Variants in DDX52 observed in about 807,000 individuals in gnomAD.
DDX52 encodes the protein probable ATP-dependent RNA helicase DDX52.
In DDX52, 59 loss-of-function variants were observed where a neutral mutation model predicts 76.1. The observed-to-expected ratio is 0.78, with a 90% confidence interval of 0.63 to 0.96. DDX52 has a LOEUF of 0.96. Among genes scored for constraint, DDX52 ranks in the 40% least tolerant of loss-of-function variants. The pLI is 0.00. For missense variants in DDX52, 707 were observed against 703.9 expected, an observed-to-expected ratio of 1.00 and a Z score of -0.05; for synonymous variants, 231 against 244.1, an observed-to-expected ratio of 0.95 and a Z score of 0.50.
At chr17:37,635,933 G>A (rs572971693) in intron 2 of DDX52, among the ~76,000 whole-genome samples, 1 of 152,272 alleles carries the variant, frequency 6.6e-6, no homozygotes, top group South Asian at 2.1e-4. Flanking sequence ...TAATTTGCCT[G>A]ATGGCTACTG....
Position 37,614,136 on chromosome 17 carries a change from C to T in DDX52, c.*160G>A, listed in dbSNP as rs1213541067. On this transcript the variant is annotated 3_prime_UTR_variant, in exon 15 of 15. Transcript: ENST00000617633. ...AAAGGCACCTACAAATTGAAACTGA[C>T]TTGATAGTTTAGGATCATTTATCAC... 1.4e-6 allele frequency: 1 copy of T among 717,936 alleles called. No individual in the cohort carries two copies. Among genetic ancestry groups the T allele is most frequent in the African/African-American group, 1.8e-5 (1 of 54,058 alleles). 44.5% of individuals were successfully genotyped at this position (717,936 alleles called of 1,614,324 possible).
At chr17:37,624,017 A>G in intron 9 of DDX52, 1 of 166,402 alleles carries the variant, frequency 6.0e-6, no homozygotes, top group Non-Finnish European at 1.3e-5. Flanking sequence ...ATGTGGAAAA[A>G]TGAGATTCTC....
At chr17:37,636,966 A>C (rs981556925) in intron 2 of DDX52, among the ~76,000 whole-genome samples, 5 of 152,146 alleles carry the variant, frequency 3.3e-5, no homozygotes, top group African/African-American at 9.6e-5. Context: ...GGCTTACACC[A>C]CATATATATT....
At chr17:37,625,733 A>T (rs1447409100) in intron 8 of DDX52, among the ~76,000 whole-genome samples, 162 bp downstream of exon 8, 2 of 152,232 alleles carry the variant, frequency 1.3e-5, no homozygotes, top group African/African-American at 4.8e-5. Flanking sequence ...ACTCTAAAAT[A>T]GAAAATCCTT....
Position 37,611,274 on chromosome 17 carries a change from G to A in DDX52, c.*3022C>T, listed in dbSNP as rs1309864615. ...GAGAAGTGGGGGTGGAAGACAGTGA[G>A]ACTGATGATCCTGACCTTTTGTATG... On this transcript the variant is annotated 3_prime_UTR_variant, in exon 15 of 15. Transcript: ENST00000617633. 1.3e-5 allele frequency: 2 copies of A among 152,228 alleles called. No individual in the cohort carries two copies. Among genetic ancestry groups the A allele is most frequent in the Non-Finnish European group, 2.9e-5 (2 of 68,052 alleles). The allele number at this position is 152,228 out of a possible 1,614,324, so 9.4% of individuals were successfully genotyped here.
At chr17:37,615,122 G>A (rs1022321564) in intron 14 of DDX52, 4 of 152,282 alleles carry the variant, frequency 2.6e-5, no homozygotes, top group African/African-American at 9.7e-5. Context: ...AGTTGGGGCT[G>A]AAGATAACAA....
intron 2 of DDX52, among the ~76,000 whole-genome samples, chr17:37,638,134 A>C (rs574709165): frequency 6.6e-6 from 1 of 152,340 alleles, no homozygotes; most frequent in South Asian, 2.1e-4. Context: ...GTCAAAGCAA[A>C]AGTTGACCAG....
intron 8 of DDX52, among the ~76,000 whole-genome samples, chr17:37,625,546 C>G (rs2030322551): frequency 6.6e-6 from 1 of 152,026 alleles, no homozygotes; most frequent in South Asian, 2.1e-4. Flanking sequence ...AAATATATAT[C>G]AAGTGGCTCA....
At chr17:37,622,593 C>T (rs1014248174) in intron 9 of DDX52, among the ~76,000 whole-genome samples, 12 of 152,054 alleles carry the variant, frequency 7.9e-5, no homozygotes, top group African/African-American at 2.7e-4. Context: ...CACGCCTGGC[C>T]GAGTTTCTTA....
chr17:37,624,279 C>G, intron 9 of DDX52, 65 bp downstream of exon 9: 3 of 1,220,750 alleles, frequency 2.5e-6, no homozygotes, highest in Non-Finnish European at 3.5e-6. Context: ...ACTGTAATAG[C>G]CTCCCACTAG....
rs145355923 is a variant in DDX52 at position 37,642,827 on chromosome 17, ATCAC to A, written c.87+503_87+506del. The A allele has an allele frequency of 2.3e-3, 382 of 163,866 alleles. 2 individuals carry two copies. The highest frequency in any genetic ancestry group is 8.8e-3 in the African/African-American group (367 of 41,732). 10.2% of individuals were successfully genotyped at this position (163,866 alleles called of 1,614,324 possible). ...GGCCCCAATTGACCTCCCCCGATGTATCACTCACTACTTCTCTAGGTAAGAGCCC... is the reference window on the plus strand; with the variant it reads ...GGCCCCAATTGACCTCCCCCGATGTATCACTACTTCTCTAGGTAAGAGCCC... On this transcript the variant is annotated intron_variant, in intron 1 of 14. Transcript: ENST00000617633.
At chr17:37,630,494 T>C (rs574547645) in intron 4 of DDX52, among the ~76,000 whole-genome samples, 2 of 152,300 alleles carry the variant, frequency 1.3e-5, no homozygotes, top group East Asian at 3.9e-4. Context: ...AATAAAATTA[T>C]AAAACCAACT....
intron 9 of DDX52, among the ~76,000 whole-genome samples, chr17:37,623,386 C>T (rs1263933349): frequency 1.3e-5 from 2 of 152,100 alleles, no homozygotes; most frequent in Non-Finnish European, 2.9e-5. Context: ...GATGACGCCA[C>T]CGCACTCCAG....
At chr17:37,628,792 TA>T (rs2030522721) in intron 5 of DDX52, 120 bp from the exon 6 acceptor site, 2 of 694,438 alleles carry the variant, frequency 2.9e-6, no homozygotes, top group Non-Finnish European at 4.6e-6. Flanking sequence ...ATTAAACTCA[TA>T]ACAATCTGTA....
Position 37,624,341 on chromosome 17 carries a change from T to G in DDX52, c.1227+3A>C, listed in dbSNP as rs773216277. ...AAAATTCAAGAAGGTAATACAAATA[T>G]ACCTTTTTAACAAGTTCTCTCACGG... On this transcript the variant is annotated splice_donor_region_variant and intron_variant, in intron 9 of 14. Coordinates refer to ENST00000617633, the MANE Select transcript of DDX52 (RefSeq NM_007010.5). 49 of 1,603,506 alleles carry G rather than the reference T, an allele frequency of 3.1e-5. No homozygotes were observed. The highest frequency in any genetic ancestry group is 2.2e-4 in the Admixed American group (13 of 58,792).
At chr17:37,641,889 G>A (rs1362274795) in intron 2 of DDX52, among the ~76,000 whole-genome samples, 2 of 152,044 alleles carry the variant, frequency 1.3e-5, no homozygotes, top group African/African-American at 4.8e-5. Context: ...ATGGTATTCT[G>A]CAGAAATAAC....
chr17:37,627,603 G>A (rs1010245136), intron 6 of DDX52, among the ~76,000 whole-genome samples: 2 of 148,878 alleles, frequency 1.3e-5, no homozygotes, highest in African/African-American at 5.1e-5. Context: ...TTTTCCCCCA[G>A]GAAAATCATT....
chr17:37,635,880 T>C (rs1466867278), intron 2 of DDX52, among the ~76,000 whole-genome samples: 1 of 152,200 alleles, frequency 6.6e-6, no homozygotes, highest in Non-Finnish European at 1.5e-5. Flanking sequence ...TTTTTTATTT[T>C]TAGCCATTCT....
At chr17:37,624,714 CTG>C (rs1388622854) in intron 8 of DDX52, among the ~76,000 whole-genome samples, 2 of 151,980 alleles carry the variant, frequency 1.3e-5, no homozygotes, top group Non-Finnish European at 2.9e-5. Flanking sequence ...AAATTTCTAA[CTG>C]TAAAATTATT....
Sources: allele counts gnomAD v4.1 joint callset (sites outside exome capture counted in the v4.1 genomes callset), GRCh38; gene constraint gnomAD v4.1.1; transcripts MANE v1.5; gene names NCBI Gene and HGNC (gene_info 2026-07-23, HGNC 2026-07-21).